FAM107B: variants seen among roughly 807,000 people sequenced by gnomAD.
The protein encoded by FAM107B is family with sequence similarity 107 member B.
FAM107B carries 21 observed loss-of-function variants against 31.5 expected under a neutral mutation model. The ratio of observed to expected loss-of-function variants is 0.67; its 90% CI spans 0.47 to 0.96. The LOEUF (loss-of-function observed/expected upper bound fraction) is 0.96. FAM107B is among the 40% of genes least tolerant of loss of function. FAM107B has a pLI of 0.00. For missense variants in FAM107B, 452 were observed against 377.1 expected, an observed-to-expected ratio of 1.20 and a Z score of -1.64; for synonymous variants, 157 against 141.5, an observed-to-expected ratio of 1.11 and a Z score of -0.78.
At chr10:14,684,448 T>G (rs1450535118) in intron 1 of FAM107B, among the ~76,000 whole-genome samples, 1 of 152,084 alleles carries the variant, frequency 6.6e-6, no homozygotes, top group African/African-American at 2.4e-5. Flanking sequence ...CAAGACTCCA[T>G]CTCAAAAAGA....
intron 2 of FAM107B, among the ~76,000 whole-genome samples, chr10:14,590,729 C>T (rs1304603213): frequency 1.3e-5 from 2 of 151,970 alleles, no homozygotes; most frequent in African/African-American, 4.8e-5. Context: ...TGCCTGTAAT[C>T]CCAGCACTTT....
intron 2 of FAM107B, among the ~76,000 whole-genome samples, chr10:14,650,172 A>T (rs923939705): frequency 1.3e-5 from 2 of 151,430 alleles, no homozygotes; most frequent in African/African-American, 4.9e-5. Context: ...CACCTGCATT[A>T]TTGTTTTGGG....
At chr10:14,575,506 A>C (rs1851437715) in intron 2 of FAM107B, among the ~76,000 whole-genome samples, 1 of 152,110 alleles carries the variant, frequency 6.6e-6, no homozygotes, top group Non-Finnish European at 1.5e-5. Context: ...CCCGGCCAAG[A>C]AGCTTTTCAA....
intron 2 of FAM107B, among the ~76,000 whole-genome samples, chr10:14,579,819 C>T (rs1051529527): frequency 6.6e-6 from 1 of 151,738 alleles, no homozygotes; most frequent in African/African-American, 2.4e-5. Context: ...GTCAGGAGTT[C>T]GAGACCAGCC....
chr10:14,657,115 C>T (rs957204770), intron 2 of FAM107B, among the ~76,000 whole-genome samples: 1 of 152,164 alleles, frequency 6.6e-6, no homozygotes, highest in Non-Finnish European at 1.5e-5. Flanking sequence ...TAAATCAAAC[C>T]CTCATTTTAG....
At chr10:14,543,563 C>T (rs1487881344) in intron 2 of FAM107B, among the ~76,000 whole-genome samples, 5 of 152,100 alleles carry the variant, frequency 3.3e-5, no homozygotes, top group Non-Finnish European at 7.3e-5. Flanking sequence ...CTCTCAGCTG[C>T]ACTGTGTCCT....
rs186365180 is a variant in FAM107B, at chr10:14,683,679, T to C, written c.412-15988A>G. On this transcript the variant is annotated intron_variant, in intron 1 of 4. Coordinates refer to ENST00000181796, the MANE Select transcript of FAM107B (RefSeq NM_031453.4). ...CATATGGAGATAGGGTTACAGATCATGAGTGAGTACCAATAGAATCATGAC... is the reference window on the plus strand; with the variant it reads ...CATATGGAGATAGGGTTACAGATCACGAGTGAGTACCAATAGAATCATGAC... 2.0e-5 allele frequency among the ~76,000 whole-genome samples: 3 copies of C among 152,316 alleles called. No individual in the cohort carries two copies. In the East Asian group the frequency reaches 5.8e-4, roughly 29 times the overall value.
At chr10:14,521,835 CAA>C in intron 4 of FAM107B, 32 bp downstream of exon 4, 1 of 1,601,580 alleles carries the variant, frequency 6.2e-7, no homozygotes, top group Non-Finnish European at 8.5e-7. Flanking sequence ...AAGACAAAAA[CAA>C]AAAAAGACAG....
At chr10:14,646,302 G>A (rs1853752631) in intron 2 of FAM107B, among the ~76,000 whole-genome samples, 1 of 152,066 alleles carries the variant, frequency 6.6e-6, no homozygotes, top group African/African-American at 2.4e-5. Flanking sequence ...AGTGTACATT[G>A]TACCTAATAG....
At chr10:14,662,938 G>C (rs1854285870) in intron 2 of FAM107B, among the ~76,000 whole-genome samples, 1 of 152,208 alleles carries the variant, frequency 6.6e-6, no homozygotes, top group Admixed American at 6.5e-5. Context: ...CCCTCAATCT[G>C]GGTGGGTACC....
At position 14,518,755 on chromosome 10, in the gene FAM107B, TAGA is replaced by T. The variant is rs1564509445; in HGVS notation, c.*2432_*2434del. The T allele has an allele frequency of 1.3e-5, 2 of 152,538 alleles. No homozygotes were observed. The highest frequency in any genetic ancestry group is 1.3e-4 in the Admixed American group (2 of 15,274). The allele number at this position is 152,538 out of a possible 1,614,324, so 9.4% of individuals were successfully genotyped here. ...TCAAACAAGTCAAGATTTTTCAGAG[TAGA>T]AGAATAAAGTCGACTGTTATAGCTT... On this transcript the variant is annotated 3_prime_UTR_variant, in exon 5 of 5. Coordinates refer to ENST00000181796, the MANE Select transcript of FAM107B (RefSeq NM_031453.4).
chr10:14,577,599 G>A (rs1260844810), intron 2 of FAM107B, among the ~76,000 whole-genome samples: 2 of 152,192 alleles, frequency 1.3e-5, no homozygotes, highest in Non-Finnish European at 2.9e-5. Context: ...TGATTTTCAG[G>A]TTGAGATCCT....
intron 1 of FAM107B, among the ~76,000 whole-genome samples, chr10:14,677,343 C>T (rs1460504383): frequency 1.3e-5 from 2 of 152,214 alleles, no homozygotes; most frequent in Non-Finnish European, 2.9e-5. Context: ...GATACCTGGC[C>T]GGGCGCGGTG....
At chr10:14,701,011 A>G (rs1855387006) in intron 1 of FAM107B, among the ~76,000 whole-genome samples, 1 of 151,764 alleles carries the variant, frequency 6.6e-6, no homozygotes, top group African/African-American at 2.4e-5. Flanking sequence ...ACCTAGTCAT[A>G]TTTTCCTTGG....
At chr10:14,632,304 C>CAAAA (rs60289509) in intron 2 of FAM107B, among the ~76,000 whole-genome samples, 2 of 56,596 alleles carry the variant, frequency 3.5e-5, no homozygotes, top group African/African-American at 1.5e-4. Context: ...GACTCTGTCT[C>CAAAA]AAAAAAAAAA....
chr10:14,596,105 C>A lies in FAM107B; in HGVS notation c.470-65590G>T, dbSNP rs181537572. On this transcript the variant is annotated intron_variant, in intron 2 of 4. Transcript: ENST00000181796. ...GGCTCCTCCCACACAGGCCCTCTGG[C>A]CATTCCTTCCATAGCAAGCTCCTGC... 4.6e-4 allele frequency among the ~76,000 whole-genome samples: 70 copies of A among 152,336 alleles called. 2 individuals carry two copies. Among genetic ancestry groups the A allele is most frequent in the Middle Eastern group, 3.4e-3 (1 of 294 alleles).
chr10:14,722,947 C>T (rs1457603958), intron 1 of FAM107B, among the ~76,000 whole-genome samples: 1 of 151,978 alleles, frequency 6.6e-6, no homozygotes, highest in Non-Finnish European at 1.5e-5. Flanking sequence ...ATTGTCTTAG[C>T]TCTCATATTT....
chr10:14,525,962 G>A (rs1846182871), intron 3 of FAM107B, among the ~76,000 whole-genome samples: 2 of 152,230 alleles, frequency 1.3e-5, no homozygotes, highest in African/African-American at 2.4e-5. Context: ...AAGGGCAGAC[G>A]GGGCGAGTCC....
intron 2 of FAM107B, among the ~76,000 whole-genome samples, chr10:14,554,389 C>CA (rs1849520587): frequency 6.6e-6 from 1 of 152,160 alleles, no homozygotes; most frequent in South Asian, 2.1e-4. Flanking sequence ...CAATGACAGT[C>CA]AGAGAGTCAT....
Sources: allele counts gnomAD v4.1 joint callset (sites outside exome capture counted in the v4.1 genomes callset), GRCh38; gene constraint gnomAD v4.1.1; transcripts MANE v1.5; gene names NCBI Gene and HGNC (gene_info 2026-07-23, HGNC 2026-07-21).